OPRM1: variants seen among roughly 807,000 people sequenced by gnomAD.
OPRM1 encodes the protein opioid receptor mu 1, also known as mu-type opioid receptor.
OPRM1 carries 27 observed loss-of-function variants against 31.8 expected under a neutral mutation model. That is an observed-to-expected ratio of 0.85 (90% CI 0.63 to 1.17). The LOEUF is 1.17. OPRM1 is among the 50% of genes most tolerant of loss of function. The pLI is 0.00. For synonymous variants in OPRM1, 196 were observed against 189.9 expected, an observed-to-expected ratio of 1.03 and a Z score of -0.26; for missense variants, 536 against 511.1, an observed-to-expected ratio of 1.05 and a Z score of -0.47.
chr6:154,135,489 A>G (rs1798036203), downstream of OPRM1, among the ~76,000 whole-genome samples: 1 of 77,684 alleles, frequency 1.3e-5, no homozygotes, highest in Non-Finnish European at 2.5e-5. Flanking sequence ...ATATAGATAG[A>G]TATAGATATA....
intron 3 of OPRM1, chr6:154,108,802 A>G (rs1196836467): frequency 2.0e-6 from 2 of 985,410 alleles, no homozygotes; most frequent in African/African-American, 1.7e-5. Flanking sequence ...AACAGTTGCA[A>G]TCCATGGAGG....
At chr6:154,025,588 G>A (rs1011214762) in intron 1 of OPRM1, among the ~76,000 whole-genome samples, 1 of 151,736 alleles carries the variant, frequency 6.6e-6, no homozygotes, top group African/African-American at 2.4e-5. Flanking sequence ...TGGTTGTTTT[G>A]TGGTCTTATC....
chr6:154,074,048 A>AT (rs1216271947), intron 1 of OPRM1: 4 of 152,172 alleles, frequency 2.6e-5, no homozygotes, highest in African/African-American at 9.7e-5. Flanking sequence ...AAAAGAGAGA[A>AT]TTTTTTCTAT....
At chr6:154,242,915 A>C (rs147495413) in intron 3 of OPRM1, among the ~76,000 whole-genome samples, 308 of 152,154 alleles carry the variant, frequency 2.0e-3, no homozygotes, top group African/African-American at 7.3e-3. Context: ...AGTATAGGCC[A>C]CTCAGGCAGC....
exon 1 of OPRM1, chr6:154,010,772 C>T (rs1031904398): frequency 3.2e-5 from 45 of 1,412,790 alleles, no homozygotes; most frequent in Admixed American, 2.3e-4. Flanking sequence ...CAAGAGAATT[C>T]GGTCAAGTGG....
chr6:154,159,902 G>A (rs1798866667), intron 3 of OPRM1: 3 of 1,613,750 alleles, frequency 1.9e-6, no homozygotes, highest in Non-Finnish European at 2.5e-6. Flanking sequence ...GTGTCATCAG[G>A]GGCAGGCGAA....
rs915185761 is a variant in OPRM1 at position 154,124,442 on chromosome 6, T to G, written c.*5721T>G. Among the ~76,000 whole-genome samples the G allele has an allele frequency of 1.3e-5, 2 of 152,158 alleles. No homozygotes were observed. Among genetic ancestry groups the G allele is most frequent in the African/African-American group, 4.8e-5 (2 of 41,428 alleles). ...CTGCACTTGAAATTGCACTTAAACT[T>G]TACAAAATCACAGAAGAAGTTGTTT... On this transcript the variant is annotated 3_prime_UTR_variant, in exon 4 of 4. Coordinates refer to ENST00000330432, the MANE Select transcript of OPRM1 (RefSeq NM_000914.5).
At chr6:154,165,644 G>A (rs1289217444) in intron 3 of OPRM1, among the ~76,000 whole-genome samples, 1 of 152,246 alleles carries the variant, frequency 6.6e-6, no homozygotes, top group Non-Finnish European at 1.5e-5. Flanking sequence ...GCAGCCCTGA[G>A]CGGGCCCCCA....
chr6:154,149,770 T>A (rs1428754433), intron 3 of OPRM1, among the ~76,000 whole-genome samples: 2 of 152,184 alleles, frequency 1.3e-5, no homozygotes, highest in Non-Finnish European at 2.9e-5. Flanking sequence ...AGGCCCCAGG[T>A]AGCCATTCCA....
Position 154,055,709 on chromosome 6 carries a change from G to A in OPRM1, c.290+15875G>A, listed in dbSNP as rs139113653. ...TCCAAAACCATCGTGTCAAGGACAT[G>A]ATGATGTGAAGAAAATTCTAAGGAC... On this transcript the variant is annotated intron_variant, in intron 1 of 3. Coordinates refer to ENST00000330432, the MANE Select transcript of OPRM1 (RefSeq NM_000914.5). Among the ~76,000 whole-genome samples the A allele has an allele frequency of 1.3e-3, 194 of 152,260 alleles. 6 individuals are homozygous for A. The East Asian group carries it at 0.032, about 25-fold the overall frequency.
intron 3 of OPRM1, among the ~76,000 whole-genome samples, chr6:154,137,826 T>C (rs117507836): frequency 1.4e-4 from 22 of 152,252 alleles, no homozygotes; most frequent in Admixed American, 9.8e-4. Flanking sequence ...AAGAGGGATG[T>C]TGGAAGAAGA....
chr6:154,097,805 A>G (rs959745393), intron 3 of OPRM1, among the ~76,000 whole-genome samples: 1 of 152,216 alleles, frequency 6.6e-6, no homozygotes, highest in Non-Finnish European at 1.5e-5. Context: ...TCATAATAAC[A>G]TATATTGACC....
At chr6:154,074,267 T>G (rs1787386706) in intron 1 of OPRM1, 1 of 152,166 alleles carries the variant, frequency 6.6e-6, no homozygotes, top group Non-Finnish European at 1.5e-5. Context: ...CTTATATATG[T>G]GGTATGAGGA....
intron 3 of OPRM1, among the ~76,000 whole-genome samples, chr6:154,239,397 T>A (rs1157713812): frequency 6.6e-6 from 1 of 152,224 alleles, no homozygotes; most frequent in African/African-American, 2.4e-5. Context: ...TAAATGTCCA[T>A]TTAAAAATTC....
At chr6:154,146,159 G>A (rs895178573) in intron 3 of OPRM1, among the ~76,000 whole-genome samples, 7 of 152,228 alleles carry the variant, frequency 4.6e-5, no homozygotes, top group African/African-American at 1.4e-4. Flanking sequence ...CAACACTTCG[G>A]GAGGCCAAGG....
intron 1 of OPRM1, among the ~76,000 whole-genome samples, chr6:154,044,741 A>T (rs993930158): frequency 2.6e-5 from 4 of 152,242 alleles, no homozygotes; most frequent in Admixed American, 2.0e-4. Context: ...GTATTCAAAT[A>T]ATAAATGCTG....
At chr6:154,066,636 G>T (rs886361747) in intron 1 of OPRM1, among the ~76,000 whole-genome samples, 4 of 152,034 alleles carry the variant, frequency 2.6e-5, no homozygotes, top group South Asian at 2.1e-4. Flanking sequence ...TACTAATGAG[G>T]TTAGTGCATT....
chr6:154,022,175 C>T (rs1778413625), intron 1 of OPRM1, among the ~76,000 whole-genome samples: 1 of 152,200 alleles, frequency 6.6e-6, no homozygotes, highest in African/African-American at 2.4e-5. Flanking sequence ...GCTGAGAGTT[C>T]TGATCATGAA....
intron 3 of OPRM1, among the ~76,000 whole-genome samples, chr6:154,140,525 T>A (rs1360548966): frequency 6.6e-6 from 1 of 152,118 alleles, no homozygotes; most frequent in Non-Finnish European, 1.5e-5. Flanking sequence ...AGACAGGGTT[T>A]CGCCATGTTG....
Sources: gnomAD v4.1 joint callset for allele counts (sites outside exome capture counted in the v4.1 genomes callset) on GRCh38, gnomAD v4.1.1 for gene constraint, MANE v1.5 for transcripts, NCBI Gene and HGNC (gene_info 2026-07-23, HGNC 2026-07-21) for gene names.